Variants in PELI3 observed in about 807,000 individuals in gnomAD.
The protein encoded by PELI3 is pellino E3 ubiquitin protein ligase family member 3.
In PELI3, 19 loss-of-function variants were observed where a neutral mutation model predicts 35.5. The observed-to-expected ratio is 0.54, with a 90% CI of 0.37 to 0.79. PELI3 has a LOEUF of 0.79. PELI3 is among the 30% of genes least tolerant of loss of function. PELI3 has a pLI of 0.00. For missense variants in PELI3, 490 were observed against 661.2 expected (o/e 0.74, Z 2.84); for synonymous variants, 262 against 279.2 (o/e 0.94, Z 0.62).
intron 5 of PELI3, among the ~76,000 whole-genome samples, chr11:66,472,689 A>G (rs1431800329): frequency 6.6e-6 from 1 of 152,204 alleles, no homozygotes; most frequent in Non-Finnish European, 1.5e-5. Flanking sequence ...GGGAGGTCAC[A>G]CAGCTCAGGA....
chr11:66,476,348 C>T lies in PELI3; in HGVS notation c.*181C>T. The T allele has an allele frequency of 1.5e-6, 1 of 664,492 alleles. No individual in the cohort carries two copies. Among genetic ancestry groups the T allele is most frequent in the Non-Finnish European group, 2.5e-6 (1 of 396,958 alleles). The allele number at this position is 664,492 out of a possible 1,614,324, so 41.2% of individuals were successfully genotyped here. ...CCCCCAAGGAGGTCCCCAAGATCTC[C>T]ACCCCAGTCATGCTGATGGGGCCTT... On this transcript the variant is annotated 3_prime_UTR_variant, in exon 8 of 8. Coordinates refer to ENST00000320740, the MANE Select transcript of PELI3 (RefSeq NM_145065.3).
chr11:66,472,322 T>C lies in PELI3; in HGVS notation c.355-47T>C, dbSNP rs763889625. 4 of 1,494,104 alleles carry C rather than the reference T, an allele frequency of 2.7e-6. No individual in the cohort carries two copies. The South Asian group carries it at 3.4e-5, about 13-fold the overall frequency. The allele number at this position is 1,494,104 out of a possible 1,614,324, so 92.6% of individuals were successfully genotyped here. A position where few individuals can be genotyped will look rare whatever the true frequency, so the allele number is the denominator to read the frequency against. On this transcript the variant is annotated intron_variant, in intron 4 of 7. Coordinates refer to ENST00000320740, the MANE Select transcript of PELI3 (RefSeq NM_145065.3). ...CCAGGTGCTTGCTCAAGGCATACAC[T>C]TATCATGGCTGCACACCCTGGCAAG...
chr11:66,476,780 C>G lies in PELI3; in HGVS notation c.*613C>G, dbSNP rs73503363. On this transcript the variant is annotated 3_prime_UTR_variant, in exon 8 of 8. Transcript: ENST00000320740. ...AGAGGCAATCAGACCTGGTTCCCCC[C>G]CTGGTGGAGTTCACAGTCTAGTGGA... 0.052 allele frequency: 7,886 copies of G among 153,044 alleles called. 233 individuals carry two copies. The highest frequency in any genetic ancestry group is 0.1 in the Middle Eastern group (31 of 296). The allele number at this position is 153,044 out of a possible 1,614,324, so 9.5% of individuals were successfully genotyped here. A position where few individuals can be genotyped will look rare whatever the true frequency, so the allele number is the denominator to read the frequency against.
rs554996691 is a variant in PELI3, at chr11:66,472,163, C to G, written c.355-206C>G. The stretch of plus-strand genomic sequence containing the variant: ...TGCTGGGATTACAGGCGTGAGCCAC[C>G]GCACCCAGCCTGATAACCCCATCCT... On this transcript the variant is annotated intron_variant, in intron 4 of 7. Transcript: ENST00000320740. Among the ~76,000 whole-genome samples, 7 of 152,138 alleles carry G rather than the reference C, an allele frequency of 4.6e-5. 1 individual carries two copies. In the South Asian group the frequency reaches 1.5e-3, roughly 32 times the overall value.
At chr11:66,471,812 G>C (rs1262745395) in intron 4 of PELI3, among the ~76,000 whole-genome samples, 1 of 152,098 alleles carries the variant, frequency 6.6e-6, no homozygotes, top group Non-Finnish European at 1.5e-5. Context: ...CTTTAGGCCA[G>C]TTTCTCTCTG....
rs1485361997 is a variant in PELI3 at position 66,476,492 on chromosome 11, G to A, written c.*325G>A. 13 of 366,092 alleles carry A rather than the reference G, an allele frequency of 3.6e-5. No individual in the cohort carries two copies. In the South Asian group the frequency reaches 4.9e-4, roughly 14 times the overall value. 22.7% of individuals were successfully genotyped at this position (366,092 alleles called of 1,614,324 possible). A position where few individuals can be genotyped will look rare whatever the true frequency, so the allele number is the denominator to read the frequency against. ...TGCCCCTGGGGGAGTGAAGGGGCCA[G>A]GGGCCTTTGACCCCCAGCTTAGGCT... On this transcript the variant is annotated 3_prime_UTR_variant, in exon 8 of 8. Coordinates refer to ENST00000320740, the MANE Select transcript of PELI3 (RefSeq NM_145065.3).
chr11:66,474,283 T>C, intron 7 of PELI3: 1 of 586,352 alleles, frequency 1.7e-6, no homozygotes, highest in Non-Finnish European at 3.0e-6. Flanking sequence ...GTGAGCAGTT[T>C]ATAGCCTAAA....
At chr11:66,475,547 G>A in intron 7 of PELI3, 51 bp from the exon 8 acceptor site, 22 of 1,586,148 alleles carry the variant, frequency 1.4e-5, no homozygotes, top group East Asian at 4.5e-5. Flanking sequence ...ATGGACCCGC[G>A]GCTCAGCAGG....
intron 3 of PELI3, among the ~76,000 whole-genome samples, chr11:66,470,764 T>C (rs1042597612): frequency 6.6e-6 from 1 of 152,206 alleles, no homozygotes; most frequent in African/African-American, 2.4e-5. Context: ...CCTTTCTAGT[T>C]CTTCAAAACC....
At chr11:66,466,433 G>A (rs1427595037), upstream of PELI3, 1 of 152,446 alleles carries the variant, frequency 6.6e-6, no homozygotes, top group East Asian at 1.9e-4. Flanking sequence ...TAATTGCGTG[G>A]CGTCCCCAGA....
At chr11:66,474,712 T>C (rs1426135837) in intron 7 of PELI3, 1 of 152,196 alleles carries the variant, frequency 6.6e-6, no homozygotes, top group East Asian at 1.9e-4. Context: ...TTTAAACTGA[T>C]TGATCCATTT....
Position 66,473,706 on chromosome 11 carries a change from G to A in PELI3, c.652-31G>A, listed in dbSNP as rs1292269043. 1 of 1,608,746 alleles carries A rather than the reference G, an allele frequency of 6.2e-7. No homozygotes were observed. Among genetic ancestry groups the A allele is most frequent in the Non-Finnish European group, 8.5e-7 (1 of 1,178,652 alleles). On this transcript the variant is annotated intron_variant, in intron 6 of 7. Transcript: ENST00000320740. This position sits in a 1 kb window ranked among gnomAD's most constrained non-coding sequence, Gnocchi z 5.8. ...CATGGCCTGCTGGGGGGCCCCTGGG[G>A]GATGTGATCTGATCCCTCATGTGGT...
In PELI3 at chr11:66,473,380, A is replaced by G. The variant is rs1158559557; in HGVS notation, c.596A>G (p.Tyr199Cys). The G allele has an allele frequency of 5.6e-6, 9 of 1,613,570 alleles. No homozygotes were observed. The highest frequency in any genetic ancestry group is 3.3e-5 in the South Asian group (3 of 91,072). ...ATCCTCTGTGACCGCCGGCCACCCTATACTGCCCGCATCTATGCCGCTGGC... is the reference window on the plus strand; with the variant it reads ...ATCCTCTGTGACCGCCGGCCACCCTGTACTGCCCGCATCTATGCCGCTGGC... The part of the protein sequence containing the change: ...CRILCDRRPP[Y>C]TARIYAAGFD... The change falls in exon 6 of 8, where the codon TAT becomes TGT. Residue 199 changes from tyrosine to cysteine, a missense_variant. By Grantham distance (194) the Tyr-to-Cys change is radical. Coordinates refer to ENST00000320740, the MANE Select transcript of PELI3 (RefSeq NM_145065.3). This position sits in a 1 kb window ranked among gnomAD's most constrained non-coding sequence, Gnocchi z 5.8.
intron 7 of PELI3, 154 bp downstream of exon 7, chr11:66,474,079 T>C (rs1854818971): frequency 1.0e-6 from 1 of 982,522 alleles, no homozygotes; most frequent in South Asian, 1.4e-5. Context: ...AGGGGGTTCT[T>C]AGCATGAGCC....
rs1381835403 is a variant in PELI3 at position 66,473,846 on chromosome 11, G to T, written c.761G>T (p.Gly254Val). The T allele has an allele frequency of 6.2e-7, 1 of 1,613,898 alleles. No individual in the cohort carries two copies. The highest frequency in any genetic ancestry group is 8.5e-7 in the Non-Finnish European group (1 of 1,180,016). The change falls in exon 7 of 8, where the codon GGT becomes GTT. Residue 254 changes from glycine to valine, a missense_variant. Gly to Val is a moderately radical substitution (Grantham distance 109). Transcript: ENST00000320740. This position sits in a 1 kb window ranked among gnomAD's most constrained non-coding sequence, Gnocchi z 5.8. ...AGGFSEDSAP[G>V]VWREISVCGN... ...GGCTTCTCCGAGGACTCAGCCCCGGGTGTCTGGCGGGAGATCTCGGTCTGT... is the reference window on the plus strand; with the variant it reads ...GGCTTCTCCGAGGACTCAGCCCCGGTTGTCTGGCGGGAGATCTCGGTCTGT...
At position 66,475,735 on chromosome 11, in the gene PELI3, T is replaced by G; in HGVS notation, c.978T>G (p.Asn326Lys). The G allele has an allele frequency of 1.2e-6, 2 of 1,611,576 alleles. No homozygotes were observed. Among genetic ancestry groups the G allele is most frequent in the Non-Finnish European group, 1.7e-6 (2 of 1,179,490 alleles). Residue 326 changes from asparagine (N) to lysine (K), a missense_variant, in exon 8 of 8, where the codon AAT (asparagine) becomes AAG (lysine). Physicochemically the swap from Asn to Lys is moderately conservative, Grantham distance 94. Transcript: ENST00000320740. ...KQLEAQRQEA[N>K]AARPQCPVGL... ...TGGAGGCCCAGCGGCAGGAGGCAAA[T>G]GCAGCGCGGCCCCAGTGCCCCGTGG...
At position 66,476,552 on chromosome 11, in the gene PELI3, C is replaced by A; in HGVS notation, c.*385C>A. ...CTGAGCCTGCCAACCCAGTTTCAGA[C>A]ACTCATCCTTCATCCTTCCTGCTGC... is the stretch of plus-strand genomic sequence containing the variant. On this transcript the variant is annotated 3_prime_UTR_variant, in exon 8 of 8. Transcript: ENST00000320740. 1 of 234,960 alleles carries A rather than the reference C, an allele frequency of 4.3e-6. No individual in the cohort carries two copies. The highest frequency in any genetic ancestry group is 7.1e-5 in the South Asian group (1 of 14,150). The allele number at this position is 234,960 out of a possible 1,614,324, so 14.6% of individuals were successfully genotyped here.
chr11:66,468,373 C>A, intron 2 of PELI3, 93 bp downstream of exon 2: 1 of 1,268,002 alleles, frequency 7.9e-7, no homozygotes, highest in Non-Finnish European at 1.0e-6. Flanking sequence ...CCACATAGGG[C>A]CTTCAGCTGT....
intron 2 of PELI3, 43 bp from the exon 3 acceptor site, chr11:66,468,790 C>T (rs1361194215): frequency 1.3e-6 from 1 of 774,616 alleles, no homozygotes; most frequent in Admixed American, 1.7e-5. Flanking sequence ...AGGCCTGTGC[C>T]AAGCCCTTTC....
Sources: gnomAD v4.1 joint callset for allele counts (sites outside exome capture counted in the v4.1 genomes callset) on GRCh38, gnomAD v4.1.1 for gene constraint, Gnocchi (gnomAD v3.1) non-coding constraint, MANE v1.5 for transcripts, NCBI Gene and HGNC (gene_info 2026-07-23, HGNC 2026-07-21) for gene names.